TENM2: variants seen among roughly 807,000 people sequenced by gnomAD.
TENM2 encodes teneurin-2.
In TENM2, 52 loss-of-function variants were observed where a neutral mutation model predicts 245.2. That is an observed-to-expected ratio of 0.21 (90% CI 0.17 to 0.27). TENM2 has a LOEUF of 0.27. Ranked by LOEUF, TENM2 falls within the 10% of genes least tolerant of loss-of-function variation. The pLI, the probability that TENM2 is intolerant of heterozygous loss-of-function variation, is 1.00. For synonymous variants in TENM2, 1,363 were observed against 1,438.9 expected, an observed-to-expected ratio of 0.95 and a Z score of 1.19; for missense variants, 3,046 against 3,666.8, an observed-to-expected ratio of 0.83 and a Z score of 4.37.
the TENM2 span, among the ~76,000 whole-genome samples, chr5:167,193,049 G>T: frequency 3.0e-4 from 46 of 152,140 alleles, no homozygotes; most frequent in Admixed American, 2.6e-3. Context: ...CCACAGTATG[G>T]AATCACAGAC....
intron 2 of TENM2, among the ~76,000 whole-genome samples, chr5:167,840,064 A>G (rs975535980): frequency 3.9e-5 from 6 of 152,126 alleles, no homozygotes; most frequent in South Asian, 2.1e-4. Context: ...CAGGTGATCC[A>G]CCCGCCTCGG....
At chr5:167,870,360 A>G (rs1266174067) in intron 2 of TENM2, among the ~76,000 whole-genome samples, 1 of 152,046 alleles carries the variant, frequency 6.6e-6, no homozygotes, top group African/African-American at 2.4e-5. Flanking sequence ...AATGTGGAAC[A>G]TAGTAAAATG....
At chr5:167,061,072 G>A in the TENM2 span, among the ~76,000 whole-genome samples, 22 of 143,674 alleles carry the variant, frequency 1.5e-4, no homozygotes, top group African/African-American at 4.7e-4. Flanking sequence ...GGGGTGGTGC[G>A]TGATTAATCT....
chr5:167,307,212 T>C (rs1268182918), intron 1 of TENM2, among the ~76,000 whole-genome samples: 1 of 152,118 alleles, frequency 6.6e-6, no homozygotes, highest in Non-Finnish European at 1.5e-5. Context: ...TGCAGCCAGA[T>C]GGAAATTGTA....
intron 19 of TENM2, among the ~76,000 whole-genome samples, chr5:168,208,499 T>C (rs185131693): frequency 3.9e-4 from 60 of 152,212 alleles, no homozygotes; most frequent in Admixed American, 2.6e-3. Flanking sequence ...CCAGCAGACA[T>C]TGGAAGGAAG....
At chr5:167,715,912 G>A (rs558568136) in intron 2 of TENM2, among the ~76,000 whole-genome samples, 60 of 152,246 alleles carry the variant, frequency 3.9e-4, no homozygotes, top group African/African-American at 1.4e-3. Flanking sequence ...TTTTTTAAGC[G>A]ACTGAACATG....
At chr5:167,749,271 AGACT>A (rs1309578106) in intron 2 of TENM2, among the ~76,000 whole-genome samples, 1 of 152,216 alleles carries the variant, frequency 6.6e-6, no homozygotes, top group African/African-American at 2.4e-5. Flanking sequence ...TGCCTTTTAA[AGACT>A]GACACTTCAG....
At chr5:167,881,665 G>A (rs904863359) in intron 3 of TENM2, among the ~76,000 whole-genome samples, 30 of 152,178 alleles carry the variant, frequency 2.0e-4, no homozygotes, top group Admixed American at 5.9e-4. Flanking sequence ...AGCTACCTGC[G>A]GCTCCTTCCT....
chr5:168,142,974 T>A (rs1051873751), intron 12 of TENM2, among the ~76,000 whole-genome samples: 11 of 152,180 alleles, frequency 7.2e-5, no homozygotes, highest in African/African-American at 2.7e-4. Flanking sequence ...CCACACTGCA[T>A]CTAAAAATAG....
chr5:168,025,955 G>C lies in TENM2; in HGVS notation c.1187-21472G>C, dbSNP rs181438467. 3.3e-5 allele frequency among the ~76,000 whole-genome samples: 5 copies of C among 152,138 alleles called. No individual in the cohort carries two copies. The South Asian group carries it at 1.0e-3, about 32-fold the overall frequency. ...CCAAAGGCGGAACTCCTATCTCCCTGGCTATGAAGGGGGCTCACTTGCGAT... is the reference window on the plus strand; with the variant it reads ...CCAAAGGCGGAACTCCTATCTCCCTCGCTATGAAGGGGGCTCACTTGCGAT... On this transcript the variant is annotated intron_variant, in intron 5 of 28. Coordinates refer to ENST00000518659, the Ensembl canonical transcript of TENM2.
intron 3 of TENM2, among the ~76,000 whole-genome samples, chr5:167,919,460 C>T (rs977248771): frequency 1.3e-5 from 2 of 152,188 alleles, no homozygotes; most frequent in Non-Finnish European, 2.9e-5. Context: ...ACATAGAGGA[C>T]TATTGTGGTA....
rs75777436 is a variant in TENM2 at position 167,939,128 on chromosome 5, C to G, written c.713-13460C>G. On this transcript the variant is annotated intron_variant, in intron 3 of 28. Transcript: ENST00000518659. Reference sequence around the variant, plus strand: ...TCCCTGCGCATGGCTTTTCTAGGCTCTATACAACAGCATTCCTCAACCTTT... The same window carrying G: ...TCCCTGCGCATGGCTTTTCTAGGCTGTATACAACAGCATTCCTCAACCTTT... 9.5e-3 allele frequency among the ~76,000 whole-genome samples: 1,451 copies of G among 152,176 alleles called. 26 individuals are homozygous for G. Among genetic ancestry groups the G allele is most frequent in the African/African-American group, 0.033 (1,362 of 41,494 alleles).
intron 2 of TENM2, among the ~76,000 whole-genome samples, chr5:167,524,325 A>T (rs902478387): frequency 6.6e-6 from 1 of 152,180 alleles, no homozygotes; most frequent in Admixed American, 6.5e-5. Flanking sequence ...ACTTCCCTAT[A>T]TTGTTTTGAG....
At chr5:167,199,923 G>A in the TENM2 span, among the ~76,000 whole-genome samples, 2 of 151,358 alleles carry the variant, frequency 1.3e-5, no homozygotes, top group African/African-American at 2.5e-5. Context: ...TTATAATTAA[G>A]TTAAGGCATA....
At chr5:167,818,111 A>G (rs1261304096) in intron 2 of TENM2, among the ~76,000 whole-genome samples, 1 of 152,204 alleles carries the variant, frequency 6.6e-6, no homozygotes, top group Non-Finnish European at 1.5e-5. Context: ...TTAAATCAAC[A>G]GAAAGGTGTT....
chr5:167,446,565 A>G (rs942183151), intron 2 of TENM2, among the ~76,000 whole-genome samples: 3 of 152,164 alleles, frequency 2.0e-5, no homozygotes, highest in Admixed American at 6.5e-5. Flanking sequence ...CCAGAAAACT[A>G]CCTTCACTTT....
At chr5:167,250,808 A>T in the TENM2 span, among the ~76,000 whole-genome samples, 1 of 152,182 alleles carries the variant, frequency 6.6e-6, no homozygotes, top group South Asian at 2.1e-4. Flanking sequence ...GTATCTGAGA[A>T]TGCTGCTAAG....
intron 2 of TENM2, among the ~76,000 whole-genome samples, chr5:167,828,938 G>A (rs1768220774): frequency 6.6e-6 from 1 of 152,154 alleles, no homozygotes; most frequent in Non-Finnish European, 1.5e-5. Flanking sequence ...TCTGGCTCTT[G>A]GTTTCACATT....
intron 17 of TENM2, among the ~76,000 whole-genome samples, chr5:168,201,321 G>GAT (rs942691576): frequency 4.0e-5 from 6 of 151,290 alleles, no homozygotes; most frequent in African/African-American, 9.7e-5. Context: ...CATATATACA[G>GAT]ATATATATAT....
Sources: allele counts gnomAD v4.1 joint callset (sites outside exome capture counted in the v4.1 genomes callset), GRCh38; gene constraint gnomAD v4.1.1; transcripts MANE v1.5; gene names NCBI Gene and HGNC (gene_info 2026-07-23, HGNC 2026-07-21).